The following TJP1 variants were observed in gnomAD, a reference collection of about 807,000 sequenced individuals.
The protein encoded by TJP1 is tight junction protein 1, also known as tight junction protein ZO-1.
TJP1 carries 43 observed loss-of-function variants against 194.2 expected under a neutral mutation model. That is an observed-to-expected ratio of 0.22 (90% CI 0.17 to 0.29). The LOEUF is 0.29. Ranked by LOEUF, TJP1 falls within the 10% of genes least tolerant of loss-of-function variation. The pLI, the probability that TJP1 is intolerant of heterozygous loss-of-function variation, is 1.00. For synonymous variants in TJP1, 801 were observed against 779.0 expected (o/e 1.03, Z -0.47); for missense variants, 1,971 against 2,185.7 (o/e 0.90, Z 1.96).
chr15:29,854,509 T>C (rs1301126725), intron 2 of TJP1, among the ~76,000 whole-genome samples: 2 of 152,030 alleles, frequency 1.3e-5, no homozygotes. Flanking sequence ...TAGAGAGATA[T>C]GACCACACGT....
At chr15:29,732,606 G>C in intron 14 of TJP1, 25 bp downstream of exon 14, 3 of 1,613,596 alleles carry the variant, frequency 1.9e-6, no homozygotes, top group African/African-American at 1.3e-5. Flanking sequence ...AAGGGTATTA[G>C]GTTAGTCTGT....
At chr15:29,719,227 T>A in intron 20 of TJP1, 89 bp from the exon 21 acceptor site, 1 of 1,337,686 alleles carries the variant, frequency 7.5e-7, no homozygotes, top group Non-Finnish European at 1.0e-6. Flanking sequence ...AAACTACGAT[T>A]TAATATGTGA....
At chr15:29,801,749 C>A (rs1348609051) in intron 1 of TJP1, among the ~76,000 whole-genome samples, 1 of 152,020 alleles carries the variant, frequency 6.6e-6, no homozygotes, top group African/African-American at 2.4e-5. Context: ...GCGTGAGCCA[C>A]CGCGCCCGGC....
intron 5 of TJP1, among the ~76,000 whole-genome samples, chr15:29,765,708 C>T (rs138420691): frequency 1.2e-4 from 18 of 152,160 alleles, no homozygotes; most frequent in African/African-American, 2.4e-4. Context: ...TTGGGCAACA[C>T]GGCAAAAACC....
chr15:29,794,524 CAA>C (rs959239425), intron 2 of TJP1, among the ~76,000 whole-genome samples: 2 of 152,142 alleles, frequency 1.3e-5, no homozygotes, highest in African/African-American at 4.8e-5. Context: ...ACACTTCTAA[CAA>C]GGTCAGAAAA....
intron 2 of TJP1, among the ~76,000 whole-genome samples, chr15:29,783,768 T>C (rs1412461775): frequency 6.6e-6 from 1 of 152,116 alleles, no homozygotes; most frequent in African/African-American, 2.4e-5. Context: ...TGAGAACACA[T>C]GGACACAGAG....
chr15:29,859,531 G>A (rs2051992823), intron 2 of TJP1, among the ~76,000 whole-genome samples: 1 of 152,160 alleles, frequency 6.6e-6, no homozygotes, highest in Non-Finnish European at 1.5e-5. Flanking sequence ...CGGTAAGAAG[G>A]CAGAGTTTGA....
chr15:29,903,970 A>G (rs1367204721), intron 2 of TJP1, among the ~76,000 whole-genome samples: 1 of 152,188 alleles, frequency 6.6e-6, no homozygotes, highest in Non-Finnish European at 1.5e-5. Flanking sequence ...GAGAAGCACA[A>G]GTGCCTGGAG....
At chr15:29,699,801 G>A (rs188771224), downstream of TJP1, 59 of 153,938 alleles carry the variant, frequency 3.8e-4, no homozygotes, top group Admixed American at 1.7e-3. Context: ...TTTATCTGGG[G>A]AATAAAACCA....
chr15:29,901,450 G>C (rs1031401937), intron 2 of TJP1, among the ~76,000 whole-genome samples: 1 of 152,126 alleles, frequency 6.6e-6, no homozygotes, highest in Non-Finnish European at 1.5e-5. Flanking sequence ...CCCACTCCTT[G>C]GGGCCTTCTC....
At chr15:29,957,745 A>G (rs925387495) in intron 1 of TJP1, among the ~76,000 whole-genome samples, 1 of 152,202 alleles carries the variant, frequency 6.6e-6, no homozygotes, top group African/African-American at 2.4e-5. Context: ...TTGGGTACAA[A>G]TGCATTATTT....
chr15:29,773,437 C>A (rs2046817734), intron 2 of TJP1, 80 bp from the exon 3 acceptor site: 2 of 1,378,718 alleles, frequency 1.5e-6, no homozygotes, highest in Admixed American at 3.9e-5. Context: ...CTAGAGAAGC[C>A]AAAATATAAA....
chr15:29,896,495 A>C (rs981741831), intron 2 of TJP1, among the ~76,000 whole-genome samples: 4 of 152,198 alleles, frequency 2.6e-5, no homozygotes, highest in Non-Finnish European at 4.4e-5. Context: ...GAATACAGTA[A>C]ATTTGTATCA....
At chr15:29,919,951 G>A (rs1247280277) in intron 2 of TJP1, among the ~76,000 whole-genome samples, 1 of 152,234 alleles carries the variant, frequency 6.6e-6, no homozygotes, top group Admixed American at 6.5e-5. Context: ...CCAGAAGACA[G>A]AAAGGATGCA....
At chr15:29,921,610 C>G (rs2054360831) in intron 2 of TJP1, among the ~76,000 whole-genome samples, 1 of 152,180 alleles carries the variant, frequency 6.6e-6, no homozygotes, top group South Asian at 2.1e-4. Flanking sequence ...GCCTGTGCTT[C>G]TCTCCCCTGC....
At chr15:29,943,152 T>C (rs1333126081) in intron 2 of TJP1, among the ~76,000 whole-genome samples, 5 of 152,208 alleles carry the variant, frequency 3.3e-5, no homozygotes, top group African/African-American at 1.2e-4. Flanking sequence ...AGGGATTTTA[T>C]ATGTGTAAGA....
intron 2 of TJP1, among the ~76,000 whole-genome samples, chr15:29,773,855 C>G (rs2046845408): frequency 6.6e-6 from 1 of 152,166 alleles, no homozygotes; most frequent in Non-Finnish European, 1.5e-5. Flanking sequence ...AATATAATGC[C>G]TTGTGCACAC....
At chr15:29,869,468 A>G (rs1475148963) in intron 2 of TJP1, among the ~76,000 whole-genome samples, 1 of 152,180 alleles carries the variant, frequency 6.6e-6, no homozygotes, top group African/African-American at 2.4e-5. Context: ...AAAATTTAGA[A>G]AACATGTATC....
intron 2 of TJP1, among the ~76,000 whole-genome samples, chr15:29,838,992 CTTTTTTTT>C (rs760557407): frequency 1.2e-5 from 1 of 83,442 alleles, no homozygotes; most frequent in Non-Finnish European, 2.1e-5. Flanking sequence ...AAAAATTCAC[CTTTTTTTT>C]TTTTTTTTTT....
Sources: gnomAD v4.1 joint callset for allele counts (sites outside exome capture counted in the v4.1 genomes callset) on GRCh38, gnomAD v4.1.1 for gene constraint, MANE v1.5 for transcripts, NCBI Gene and HGNC (gene_info 2026-07-23, HGNC 2026-07-21) for gene names.